Variants in MTCL1 observed in about 807,000 individuals in gnomAD.
MTCL1 encodes the protein microtubule cross-linking factor 1.
A neutral mutation model predicts 141.4 loss-of-function variants in MTCL1; 79 were observed. The ratio of observed to expected loss-of-function variants is 0.56; its 90% CI spans 0.47 to 0.67. The LOEUF is 0.67. MTCL1 is among the 30% of genes least tolerant of loss of function. MTCL1 has a pLI of 0.00. For synonymous variants in MTCL1, 914 were observed against 875.8 expected (o/e 1.04, Z -0.77); for missense variants, 2,177 against 2,113.9 (o/e 1.03, Z -0.59).
chr18:8,732,541 A>G (rs2096255691), intron 4 of MTCL1, among the ~76,000 whole-genome samples: 1 of 152,210 alleles, frequency 6.6e-6, no homozygotes, highest in South Asian at 2.1e-4. Context: ...CAAGTGAGCC[A>G]TCGTACGTTG....
At chr18:8,769,753 C>G (rs1444511038) in intron 4 of MTCL1, among the ~76,000 whole-genome samples, 9 of 152,212 alleles carry the variant, frequency 5.9e-5, no homozygotes, top group Non-Finnish European at 2.9e-5. Context: ...GAACCATGCT[C>G]TGGCTCATGG....
At chr18:8,826,065 T>A (rs1323231795) in exon 15 of MTCL1, 14 of 1,611,614 alleles carry the variant, frequency 8.7e-6, no homozygotes, top group Non-Finnish European at 1.2e-5. Flanking sequence ...GCAGGACTTA[T>A]CTGCTCCCCC....
intron 7 of MTCL1, 24 bp downstream of exon 6, chr18:8,786,115 C>T (rs768036497): frequency 1.7e-5 from 24 of 1,388,246 alleles, no homozygotes; most frequent in South Asian, 1.1e-4. Context: ...AGCAATCCCC[C>T]CCCCCCGCCC....
At chr18:8,715,748 A>G (rs1003076353), upstream of MTCL1, among the ~76,000 whole-genome samples, 1 of 152,238 alleles carries the variant, frequency 6.6e-6, no homozygotes, top group East Asian at 1.9e-4. Flanking sequence ...CACAAGGCTC[A>G]TTTTAAAGCT....
chr18:8,819,631 TCTCA>T (rs1166697585), intron 13 of MTCL1, among the ~76,000 whole-genome samples: 1 of 152,028 alleles, frequency 6.6e-6, no homozygotes, highest in Non-Finnish European at 1.5e-5. Flanking sequence ...GAGATGGAGG[TCTCA>T]CTCTCTTGCC....
At chr18:8,814,083 A>G (rs940876635) in intron 12 of MTCL1, among the ~76,000 whole-genome samples, 2 of 152,178 alleles carry the variant, frequency 1.3e-5, no homozygotes, top group African/African-American at 4.8e-5. Flanking sequence ...AAATAACCTC[A>G]TTACTCTATT....
chr18:8,747,427 TG>T lies in MTCL1; in HGVS notation c.357+26932del, dbSNP rs2096345044. Reference sequence around the variant, plus strand: ...TCTGGAAAGGCCCTAGGGGAGAGTCTGTTCCATGCCTGGTGCTTTGCTCCCT... The same window carrying T: ...TCTGGAAAGGCCCTAGGGGAGAGTCTTTCCATGCCTGGTGCTTTGCTCCCT... On this transcript the variant is annotated intron_variant, in intron 4 of 16. Transcript: ENST00000359865. Among the ~76,000 whole-genome samples the T allele has an allele frequency of 4.6e-5, 7 of 152,284 alleles. No homozygotes were observed. The South Asian group carries it at 1.4e-3, about 32-fold the overall frequency.
chr18:8,785,412 T>C (rs1275928662), intron 6 of MTCL1, among the ~76,000 whole-genome samples: 1 of 152,166 alleles, frequency 6.6e-6, no homozygotes, highest in African/African-American at 2.4e-5. Context: ...ATGGTTTTGG[T>C]GGAAAAGCTC....
chr18:8,783,868 T>G (rs765084258), exon 6 of MTCL1: 1 of 1,612,686 alleles, frequency 6.2e-7, no homozygotes, highest in Admixed American at 1.7e-5. Context: ...AGGGCCCGGG[T>G]CGGGACCACG....
At chr18:8,712,475 C>T (rs543854077), upstream of MTCL1, among the ~76,000 whole-genome samples, 6 of 152,334 alleles carry the variant, frequency 3.9e-5, no homozygotes, top group African/African-American at 1.4e-4. Context: ...GAGAGGAGCG[C>T]AAGCAGTGCT....
intron 7 of MTCL1, 21 bp downstream of exon 6, chr18:8,786,112 C>CCA: frequency 5.9e-6 from 8 of 1,362,930 alleles, no homozygotes; most frequent in South Asian, 5.1e-5. Flanking sequence ...GCAAGCAATC[C>CCA]CCCCCCCCCG....
intron 7 of MTCL1, among the ~76,000 whole-genome samples, chr18:8,791,964 G>T (rs1207459744): frequency 6.6e-6 from 1 of 152,150 alleles, no homozygotes; most frequent in Non-Finnish European, 1.5e-5. Context: ...AGTACTAAGG[G>T]AGGTGCTCTG....
chr18:8,712,904 G>A (rs1475823871), upstream of MTCL1, among the ~76,000 whole-genome samples: 2 of 152,300 alleles, frequency 1.3e-5, no homozygotes, highest in South Asian at 2.1e-4. Flanking sequence ...TAAAGAGGAG[G>A]TGCTAAAATA....
intron 4 of MTCL1, among the ~76,000 whole-genome samples, chr18:8,772,807 T>C (rs1021740793): frequency 6.6e-5 from 10 of 152,086 alleles, no homozygotes; most frequent in African/African-American, 2.4e-4. Flanking sequence ...TTCAAAAGCA[T>C]GACTGTGTCT....
At chr18:8,738,946 A>C (rs892439540) in intron 4 of MTCL1, among the ~76,000 whole-genome samples, 2 of 152,198 alleles carry the variant, frequency 1.3e-5, no homozygotes, top group African/African-American at 4.8e-5. Context: ...CATCTAAAAA[A>C]AATCATCCTG....
intron 4 of MTCL1, among the ~76,000 whole-genome samples, chr18:8,763,766 C>T (rs1206458469): frequency 2.6e-5 from 4 of 152,304 alleles, no homozygotes; most frequent in Middle Eastern, 3.4e-3. Context: ...TCGGTTTTCT[C>T]CTGGTGGTTT....
At chr18:8,832,504 C>T (rs529660612) in exon 17 of MTCL1, 1 of 152,458 alleles carries the variant, frequency 6.6e-6, no homozygotes, top group Admixed American at 6.5e-5. Flanking sequence ...CTCGCCATCA[C>T]CTAAATGTGA....
chr18:8,808,741 A>C (rs2076384208), intron 11 of MTCL1, among the ~76,000 whole-genome samples: 1 of 152,274 alleles, frequency 6.6e-6, no homozygotes, highest in South Asian at 2.1e-4. Context: ...TTCCTTCAGC[A>C]GACTCCTAAG....
intron 7 of MTCL1, among the ~76,000 whole-genome samples, chr18:8,787,888 A>T (rs1277563003): frequency 6.6e-6 from 1 of 152,170 alleles, no homozygotes; most frequent in Non-Finnish European, 1.5e-5. Flanking sequence ...CTGGATGTGG[A>T]TCTGTCGCAG....
Sources: gnomAD v4.1 joint callset for allele counts (sites outside exome capture counted in the v4.1 genomes callset) on GRCh38, gnomAD v4.1.1 for gene constraint, MANE v1.5 for transcripts, NCBI Gene and HGNC (gene_info 2026-07-23, HGNC 2026-07-21) for gene names.